The following FHIP2B variants were observed in gnomAD, a reference collection of about 807,000 sequenced individuals.
FHIP2B encodes the protein FHF complex subunit HOOK interacting protein 2B.
A neutral mutation model predicts 84.0 loss-of-function variants in FHIP2B; 72 were observed. That is an observed-to-expected ratio of 0.86 (90% CI 0.71 to 1.04). The LOEUF is 1.04. Among genes scored for constraint, FHIP2B ranks in the 50% least tolerant of loss-of-function variants. The pLI is 0.00. For missense variants in FHIP2B, 972 were observed against 968.9 expected, an observed-to-expected ratio of 1.00 and a Z score of -0.04; for synonymous variants, 497 against 418.7, an observed-to-expected ratio of 1.19 and a Z score of -2.28.
chr8:22,097,231 A>T (rs569879263), intron 3 of FHIP2B, among the ~76,000 whole-genome samples: 1 of 152,112 alleles, frequency 6.6e-6, no homozygotes, highest in South Asian at 2.1e-4. Context: ...TCTGAGCCGG[A>T]ACTGAGGGAG....
At chr8:22,090,096 G>A (rs529258108) in intron 1 of FHIP2B, among the ~76,000 whole-genome samples, 96 of 142,152 alleles carry the variant, frequency 6.8e-4, no homozygotes, top group African/African-American at 2.5e-3. Flanking sequence ...CTACTACTAG[G>A]GTTCGTTCAG....
chr8:22,097,981 C>T (rs1825873839), intron 5 of FHIP2B, 87 bp from the exon 6 acceptor site: 6 of 1,528,498 alleles, frequency 3.9e-6, no homozygotes, highest in African/African-American at 1.4e-5. Flanking sequence ...AGGCCGACGC[C>T]CTGCTGGCAG....
Position 22,089,315 on chromosome 8 carries a change from CG to C in FHIP2B, c.45+20del, listed in dbSNP as rs1462391377. ...GTGGGGGCGGTGAGGCCGGCAGGGC[CG>C]GGCCGGGCCGCCGGGAGTCGCGGGC... is the stretch of plus-strand genomic sequence containing the variant. On this transcript the variant is annotated intron_variant, in intron 1 of 16. Transcript: ENST00000289921. 1 of 1,008,718 alleles carries C rather than the reference CG, an allele frequency of 9.9e-7. No homozygotes were observed. The highest frequency in any genetic ancestry group is 1.2e-6 in the Non-Finnish European group (1 of 846,706). The allele number at this position is 1,008,718 out of a possible 1,614,324, so 62.5% of individuals were successfully genotyped here.
chr8:22,096,232 C>G, intron 2 of FHIP2B, 105 bp from the exon 3 acceptor site: 1 of 1,184,260 alleles, frequency 8.4e-7, no homozygotes, highest in South Asian at 1.7e-5. Flanking sequence ...CCCACCTCTC[C>G]CAGACAGGAC....
chr8:22,098,738 T>C (rs1387461366), intron 7 of FHIP2B, 119 bp downstream of exon 7: 3 of 1,128,792 alleles, frequency 2.7e-6, no homozygotes, highest in South Asian at 1.6e-5. Context: ...GGCCACCCTC[T>C]CCCCAAGGCT....
chr8:22,094,373 TC>T, intron 1 of FHIP2B, 66 bp from the exon 2 acceptor site: 1 of 1,485,118 alleles, frequency 6.7e-7, no homozygotes, highest in Non-Finnish European at 9.0e-7. Flanking sequence ...GAATATCTGT[TC>T]CCATGCGGGC....
In FHIP2B at chr8:22,103,290, TG is replaced by T. The variant is rs749263368; in HGVS notation, c.*363del. 13 of 233,410 alleles carry T rather than the reference TG, an allele frequency of 5.6e-5. No individual in the cohort carries two copies. The highest frequency in any genetic ancestry group is 7.6e-5 in the Non-Finnish European group (9 of 119,002). 14.5% of individuals were successfully genotyped at this position (233,410 alleles called of 1,614,324 possible). A position where few individuals can be genotyped will look rare whatever the true frequency, so the allele number is the denominator to read the frequency against. On this transcript the variant is annotated 3_prime_UTR_variant, in exon 17 of 17. Transcript: ENST00000289921. ...CTGTGACTCAACTCCAGGGGCAAGA[TG>T]GGGAGTGAGCTGATGGCTCCGAGAC... is the stretch of plus-strand genomic sequence containing the variant.
intron 1 of FHIP2B, among the ~76,000 whole-genome samples, chr8:22,090,907 C>T (rs990618661): frequency 2.0e-5 from 3 of 152,154 alleles, no homozygotes; most frequent in Non-Finnish European, 2.9e-5. Flanking sequence ...CATGAGCCAC[C>T]GCACCCGGCT....
chr8:22,091,400 C>T (rs534828896), intron 1 of FHIP2B, among the ~76,000 whole-genome samples: 20 of 152,200 alleles, frequency 1.3e-4, no homozygotes, highest in Non-Finnish European at 2.6e-4. Context: ...TGCGCCACCA[C>T]GCCCAGCTAA....
Position 22,102,578 on chromosome 8 carries a change from C to T in FHIP2B, c.2043C>T (p.Gly681=). The T allele has an allele frequency of 1.3e-6, 2 of 1,564,670 alleles. No individual in the cohort carries two copies. Among genetic ancestry groups the T allele is most frequent in the Non-Finnish European group, 1.7e-6 (2 of 1,154,946 alleles). The change falls in exon 16 of 17, where the codon GGC becomes GGT. Residue 681 remains glycine (G), a synonymous_variant. Transcript: ENST00000289921. The part of the protein sequence containing the change: ...QRIQRVPQFP[G]KLLLVRKQLT... Reference sequence around the variant, plus strand: ...TCCAGAGGGTACCCCAGTTCCCAGGCAAGCTGCTCCTGGTGCGCAAGCAGT... The same window carrying T: ...TCCAGAGGGTACCCCAGTTCCCAGGTAAGCTGCTCCTGGTGCGCAAGCAGT...
At chr8:22,101,195 AT>A in intron 12 of FHIP2B, 1 of 662,922 alleles carries the variant, frequency 1.5e-6, no homozygotes, top group Non-Finnish European at 2.5e-6. Flanking sequence ...GCTAATTTTT[AT>A]AGTTTTAGTA....
At chr8:22,090,694 C>T (rs559519494) in intron 1 of FHIP2B, among the ~76,000 whole-genome samples, 3 of 152,214 alleles carry the variant, frequency 2.0e-5, no homozygotes, top group Admixed American at 6.5e-5. Flanking sequence ...GTGCGATCTC[C>T]GCTCATTGCA....
chr8:22,100,709 C>T lies in FHIP2B; in HGVS notation c.1457C>T (p.Ser486Leu), dbSNP rs1826059760. Reference sequence around the variant, plus strand: ...GGCCGCCCTTACGTGGCCTGGGGCTCACCAGAGCCTGAGAGCTATGAGGAC... The same window carrying T: ...GGCCGCCCTTACGTGGCCTGGGGCTTACCAGAGCCTGAGAGCTATGAGGAC... ...LEGRPYVAWG[S>L]PEPESYEDTL... The change falls in exon 11 of 17, where the codon TCA becomes TTA. Residue 486 changes from serine to leucine, a missense_variant. Transcript: ENST00000289921. 1.9e-6 allele frequency: 3 copies of T among 1,604,804 alleles called. No individual in the cohort carries two copies. Among genetic ancestry groups the T allele is most frequent in the Non-Finnish European group, 2.6e-6 (3 of 1,174,514 alleles).
intron 3 of FHIP2B, 113 bp downstream of exon 3, chr8:22,096,622 C>CT: frequency 7.3e-7 from 1 of 1,379,034 alleles, no homozygotes; most frequent in Non-Finnish European, 9.4e-7. Context: ...GGGAGACCCT[C>CT]TGAGTGCTGG....
At position 22,101,316 on chromosome 8, in the gene FHIP2B, C is replaced by T. The variant is rs148653327; in HGVS notation, c.1617-124C>T. On this transcript the variant is annotated intron_variant, in intron 12 of 16. Coordinates refer to ENST00000289921, the MANE Select transcript of FHIP2B (RefSeq NM_022749.7). ...GGGATTACAGACATGAGCCACCGTGCCTGCCCTGAGTTTTACTCTTTGGCC... is the reference window on the plus strand; with the variant it reads ...GGGATTACAGACATGAGCCACCGTGTCTGCCCTGAGTTTTACTCTTTGGCC... 69 of 736,124 alleles carry T rather than the reference C, an allele frequency of 9.4e-5. No homozygotes were observed. The African/African-American group carries it at 1.3e-3, about 14-fold the overall frequency. 45.6% of individuals were successfully genotyped at this position (736,124 alleles called of 1,614,324 possible).
chr8:22,101,876 G>A, intron 14 of FHIP2B, 25 bp downstream of exon 14: 1 of 1,610,608 alleles, frequency 6.2e-7, no homozygotes, highest in Non-Finnish European at 8.5e-7. Context: ...TGGGCCAGGA[G>A]AACTCCAGGC....
intron 2 of FHIP2B, chr8:22,095,483 C>T (rs1825714668): frequency 1.2e-5 from 1 of 82,248 alleles, no homozygotes; most frequent in Non-Finnish European, 2.5e-5. Flanking sequence ...GAAAAGCGCA[C>T]CCCTGGTTCT....
rs1178712890 is a variant in FHIP2B, at chr8:22,089,259, G to A, written c.6G>A (p.Leu2=). 1 of 1,056,814 alleles carries A rather than the reference G, an allele frequency of 9.5e-7. No homozygotes were observed. The highest frequency in any genetic ancestry group is 1.7e-5 in the African/African-American group (1 of 58,630). The allele number at this position is 1,056,814 out of a possible 1,614,324, so 65.5% of individuals were successfully genotyped here. The change falls in exon 1 of 17, where the codon CTG becomes CTA. Residue 2 remains leucine, a synonymous_variant. Transcript: ENST00000289921. ...GCCGGGGGCCGGGCGCCATCATGCT[G>A]AGCCGGCTCGGGGCGCTGCTGCAGG... M[L]SRLGALLQEA...
chr8:22,102,068 C>A, intron 14 of FHIP2B, 107 bp from the exon 15 acceptor site: 1 of 1,587,022 alleles, frequency 6.3e-7, no homozygotes. Context: ...ATCACGTGAG[C>A]CTCCCACCCC....
Sources: gnomAD v4.1 joint callset for allele counts (sites outside exome capture counted in the v4.1 genomes callset) on GRCh38, gnomAD v4.1.1 for gene constraint, MANE v1.5 for transcripts, NCBI Gene and HGNC (gene_info 2026-07-23, HGNC 2026-07-21) for gene names.